Variants in GJC1 observed in about 807,000 individuals in gnomAD.
GJC1 encodes the protein gap junction gamma-1 protein.
GJC1 carries 5 observed loss-of-function variants against 29.3 expected under a neutral mutation model. The observed-to-expected ratio is 0.17, with a 90% CI of 0.09 to 0.36. GJC1 has a LOEUF of 0.36. Ranked by LOEUF, GJC1 falls within the 10% of genes least tolerant of loss-of-function variation. The pLI, the probability that GJC1 is intolerant of heterozygous loss-of-function variation, is 1.00. For missense variants in GJC1, 310 were observed against 496.2 expected (o/e 0.62, Z 3.56); for synonymous variants, 177 against 183.3 (o/e 0.97, Z 0.28).
At chr17:44,818,169 C>T (rs1032440169) in intron 1 of GJC1, among the ~76,000 whole-genome samples, 2 of 150,560 alleles carry the variant, frequency 1.3e-5, no homozygotes, top group African/African-American at 4.9e-5. Context: ...GCTGAGATTG[C>T]GCCATTGCAC....
Position 44,804,286 on chromosome 17 carries a change from A to C in GJC1, c.*341T>G. 4.9e-6 allele frequency: 1 copy of C among 202,394 alleles called. No individual in the cohort carries two copies. Among genetic ancestry groups the C allele is most frequent in the Admixed American group, 5.4e-5 (1 of 18,532 alleles). 12.5% of individuals were successfully genotyped at this position (202,394 alleles called of 1,614,324 possible). On this transcript the variant is annotated 3_prime_UTR_variant, in exon 3 of 3. Coordinates refer to ENST00000592524, the MANE Select transcript of GJC1 (RefSeq NM_005497.4). The stretch of plus-strand genomic sequence containing the variant: ...CAGCAGTTCAATGTACAAATACAAA[A>C]AAAGTTCTCATACTAAAAAAAAAAA...
chr17:44,821,694 T>C (rs1597757289), intron 1 of GJC1, among the ~76,000 whole-genome samples: 2 of 45,980 alleles, frequency 4.3e-5, no homozygotes, highest in Non-Finnish European at 7.0e-5. Flanking sequence ...GGAAACTCCG[T>C]CTCAAAAAAA....
chr17:44,810,955 G>T (rs958426563), intron 1 of GJC1, among the ~76,000 whole-genome samples: 3 of 151,906 alleles, frequency 2.0e-5, no homozygotes, highest in African/African-American at 7.3e-5. Flanking sequence ...TTTCTGTATA[G>T]ATGAGGTTTC....
At chr17:44,826,266 C>T (rs1428125855) in intron 1 of GJC1, among the ~76,000 whole-genome samples, 2 of 152,092 alleles carry the variant, frequency 1.3e-5, no homozygotes, top group East Asian at 3.8e-4. Context: ...GGCACGGTGG[C>T]TCACGACTGT....
At position 44,806,000 on chromosome 17, in the gene GJC1, A is replaced by C. The variant is rs2049908677; in HGVS notation, c.-20-163T>G. ...AGAATAAACAGCATCTCAGTTGGGT[A>C]GGGTGGCTCACGCCTGTAATCCCAG... On this transcript the variant is annotated intron_variant, in intron 2 of 2. Coordinates refer to ENST00000592524, the MANE Select transcript of GJC1 (RefSeq NM_005497.4). The surrounding 1 kb of genome is among the most constrained non-coding windows in gnomAD (Gnocchi z 5.1). 6.6e-6 allele frequency among the ~76,000 whole-genome samples: 1 copy of C among 152,184 alleles called. No individual in the cohort carries two copies. The highest frequency in any genetic ancestry group is 6.5e-5 in the Admixed American group (1 of 15,276).
intron 1 of GJC1, among the ~76,000 whole-genome samples, chr17:44,828,951 C>G (rs77558624): frequency 6.6e-6 from 1 of 151,450 alleles, no homozygotes; most frequent in Non-Finnish European, 1.5e-5. Context: ...ATTAAAATCC[C>G]TTTCATTTAT....
At chr17:44,816,942 G>A (rs1248415932) in intron 1 of GJC1, among the ~76,000 whole-genome samples, 8 of 152,156 alleles carry the variant, frequency 5.3e-5, no homozygotes, top group Non-Finnish European at 2.9e-5. Context: ...CAGGCGCAGT[G>A]GTTCACGTCT....
chr17:44,812,749 G>T (rs2145327725), intron 1 of GJC1, among the ~76,000 whole-genome samples: 1 of 151,978 alleles, frequency 6.6e-6, no homozygotes, highest in South Asian at 2.1e-4. Context: ...CCGGGTTCAA[G>T]CGATTCTCCT....
Position 44,805,824 on chromosome 17 carries a change from T to G in GJC1, c.-7A>C. 6.6e-7 allele frequency: 1 copy of G among 1,525,698 alleles called. No homozygotes were observed. Among genetic ancestry groups the G allele is most frequent in the East Asian group, 2.3e-5 (1 of 44,366 alleles). The allele number at this position is 1,525,698 out of a possible 1,614,324, so 94.5% of individuals were successfully genotyped here. On this transcript the variant is annotated 5_prime_UTR_variant, in exon 3 of 3. Transcript: ENST00000592524. The surrounding 1 kb of genome is among the most constrained non-coding windows in gnomAD (Gnocchi z 5.1). ...TCAGGAAGCTCCAACTCATGGTGAT[T>G]GAATTGGTATGCCCTGATAAAAGTG... is the stretch of plus-strand genomic sequence containing the variant.
intron 1 of GJC1, among the ~76,000 whole-genome samples, chr17:44,820,808 G>A (rs2145355145): frequency 6.6e-6 from 1 of 152,226 alleles, no homozygotes; most frequent in Admixed American, 6.5e-5. Context: ...TTGTTTAACT[G>A]GAACGTTTTA....
At chr17:44,807,078 C>G (rs776079275) in intron 2 of GJC1, among the ~76,000 whole-genome samples, 3 of 152,162 alleles carry the variant, frequency 2.0e-5, no homozygotes, top group Admixed American at 1.3e-4. Flanking sequence ...ACAGAATCTA[C>G]AAATTATACT....
chr17:44,825,266 G>A (rs978456994), intron 1 of GJC1, among the ~76,000 whole-genome samples: 4 of 145,966 alleles, frequency 2.7e-5, no homozygotes, highest in East Asian at 2.1e-4. Context: ...TTGGGAGACC[G>A]AGGCAGGTGG....
downstream of GJC1, among the ~76,000 whole-genome samples, chr17:44,796,684 A>C (rs879647775): frequency 1.8e-4 from 28 of 152,288 alleles, no homozygotes; most frequent in Non-Finnish European, 3.4e-4. Flanking sequence ...AACTGTATGC[A>C]TTTCTAACTA....
upstream of GJC1, among the ~76,000 whole-genome samples, chr17:44,831,023 G>T (rs1182411191): frequency 6.6e-6 from 1 of 152,162 alleles, no homozygotes; most frequent in African/African-American, 2.4e-5. Flanking sequence ...AATAAAGGAA[G>T]GCTCAGTAAA....
rs2049801205 is a variant in GJC1 at position 44,798,515 on chromosome 17, T to C, written c.*6112A>G. 6.6e-6 allele frequency: 1 copy of C among 152,070 alleles called. No individual in the cohort carries two copies. Among genetic ancestry groups the C allele is most frequent in the Admixed American group, 6.6e-5 (1 of 15,256 alleles). The allele number at this position is 152,070 out of a possible 1,614,324, so 9.4% of individuals were successfully genotyped here. ...GAGACAAGGCCCTGAGCACACAGAG[T>C]CCGTCTCCACCATGAAAATATTACA... On this transcript the variant is annotated 3_prime_UTR_variant, in exon 3 of 3. Coordinates refer to ENST00000592524, the MANE Select transcript of GJC1 (RefSeq NM_005497.4).
intron 2 of GJC1, among the ~76,000 whole-genome samples, chr17:44,806,555 AT>A (rs1443077431): frequency 6.6e-6 from 1 of 151,640 alleles, no homozygotes; most frequent in Non-Finnish European, 1.5e-5. Context: ...ATGCACCATC[AT>A]TTTTGTATTT....
chr17:44,794,765 G>A (rs1373381218), downstream of GJC1: 1 of 152,244 alleles, frequency 6.6e-6, no homozygotes, highest in East Asian at 1.9e-4. Context: ...GTTTACGGCT[G>A]TCAGCATCCC....
chr17:44,796,824 T>C (rs112215323), downstream of GJC1, among the ~76,000 whole-genome samples: 74 of 139,750 alleles, frequency 5.3e-4, no homozygotes, highest in African/African-American at 1.6e-3. Context: ...CACACACACA[T>C]ACACACACAC....
At chr17:44,806,460 C>A (rs1022623905) in intron 2 of GJC1, among the ~76,000 whole-genome samples, 1 of 142,198 alleles carries the variant, frequency 7.0e-6, no homozygotes, top group South Asian at 2.2e-4. Context: ...AGTGCAGTGG[C>A]GTGATCTTGG....
Sources: allele counts gnomAD v4.1 joint callset (sites outside exome capture counted in the v4.1 genomes callset), GRCh38; gene constraint gnomAD v4.1.1; non-coding constraint Gnocchi (gnomAD v3.1); transcripts MANE v1.5; gene names NCBI Gene and HGNC (gene_info 2026-07-23, HGNC 2026-07-21).